Variants in SLC22A15 observed in about 807,000 individuals in gnomAD.
SLC22A15 encodes the protein solute carrier family 22 member 15.
Under a neutral mutation model 62.7 loss-of-function variants are expected in SLC22A15, and 45 were observed. The ratio of observed to expected loss-of-function variants is 0.72; its 90% confidence interval spans 0.56 to 0.92. The LOEUF is 0.92. Ranked by LOEUF, SLC22A15 falls within the 40% of genes least tolerant of loss-of-function variation. The pLI is 0.00. For missense variants in SLC22A15, 622 were observed against 665.6 expected, an observed-to-expected ratio of 0.93 and a Z score of 0.72; for synonymous variants, 264 against 267.0, an observed-to-expected ratio of 0.99 and a Z score of 0.11.
In SLC22A15 at chr1:116,067,098, T is replaced by G; in HGVS notation, c.1634T>G (p.Met545Arg). Reference protein sequence around the residue: ...EFYDADEETQMIK With the variant: ...EFYDADEETQRIK The stretch of plus-strand genomic sequence containing the variant: ...TATGATGCAGATGAAGAGACTCAGA[T>G]GATCAAGTGAAGAGCCCCAGATTCC... Residue 545 changes from methionine (M) to arginine (R), a missense_variant, in exon 12 of 12, where the codon ATG becomes AGG. By Grantham distance (91) the Met-to-Arg change is moderately conservative (BLOSUM62 -1). Coordinates refer to ENST00000369503, the MANE Select transcript of SLC22A15 (RefSeq NM_018420.3). The G allele has an allele frequency of 6.2e-7, 1 of 1,610,856 alleles. No individual in the cohort carries two copies.
At chr1:116,012,518 A>G (rs1656322814) in intron 2 of SLC22A15, among the ~76,000 whole-genome samples, 1 of 152,250 alleles carries the variant, frequency 6.6e-6, no homozygotes, top group Non-Finnish European at 1.5e-5. Context: ...AGGAAAAGAA[A>G]GAAACCTGGA....
intron 1 of SLC22A15, among the ~76,000 whole-genome samples, chr1:115,989,725 G>A (rs1242046768): frequency 2.0e-5 from 3 of 151,054 alleles, no homozygotes; most frequent in African/African-American, 7.3e-5. Context: ...AGGTTGCAGT[G>A]AGCCAAGATC....
intron 2 of SLC22A15, among the ~76,000 whole-genome samples, chr1:115,993,437 G>A (rs1220709130): frequency 6.7e-6 from 1 of 148,988 alleles, no homozygotes; most frequent in African/African-American, 2.5e-5. Flanking sequence ...GAGTGTGTGT[G>A]TGTGTGTGTG....
At chr1:116,033,557 C>CTCTG (rs1491162720) in intron 6 of SLC22A15, among the ~76,000 whole-genome samples, 2 of 149,448 alleles carry the variant, frequency 1.3e-5, no homozygotes, top group African/African-American at 5.0e-5. Context: ...AGGGGTGTCT[C>CTCTG]TGTGTGTGTG....
intron 8 of SLC22A15, among the ~76,000 whole-genome samples, chr1:116,052,311 A>G (rs1324617210): frequency 6.6e-6 from 1 of 152,234 alleles, no homozygotes; most frequent in Non-Finnish European, 1.5e-5. Flanking sequence ...CAGCAGTCTG[A>G]GATCCAACTG....
At chr1:116,028,766 T>C (rs1384404054) in intron 5 of SLC22A15, among the ~76,000 whole-genome samples, 1 of 152,200 alleles carries the variant, frequency 6.6e-6, no homozygotes, top group Non-Finnish European at 1.5e-5. Context: ...CACACTGCAC[T>C]ACTTGTTCCT....
intron 8 of SLC22A15, among the ~76,000 whole-genome samples, chr1:116,043,833 T>C (rs1305464019): frequency 1.3e-5 from 2 of 152,192 alleles, no homozygotes; most frequent in East Asian, 3.8e-4. Context: ...CATTTTTATG[T>C]CAATAAATTC....
chr1:115,992,624 C>CT (rs11378927), intron 2 of SLC22A15, among the ~76,000 whole-genome samples: 71,073 of 137,358 alleles, frequency 0.52, 19,548 homozygotes, highest in Non-Finnish European at 0.63. Flanking sequence ...TTTTTCTTTT[C>CT]TTTTTTTTTT....
intron 3 of SLC22A15, among the ~76,000 whole-genome samples, chr1:116,020,261 AC>A (rs1430151266): frequency 6.3e-5 from 9 of 143,492 alleles, no homozygotes; most frequent in Non-Finnish European, 1.0e-4. Flanking sequence ...AAAAAAAAAA[AC>A]ACACAGCTGG....
At chr1:116,027,740 C>T (rs957053587) in intron 5 of SLC22A15, among the ~76,000 whole-genome samples, 6 of 152,088 alleles carry the variant, frequency 3.9e-5, no homozygotes, top group African/African-American at 1.4e-4. Context: ...ATTCTCCTGC[C>T]TCAGCCTCCC....
intron 8 of SLC22A15, among the ~76,000 whole-genome samples, chr1:116,052,197 A>T (rs1658074432): frequency 6.6e-6 from 1 of 152,196 alleles, no homozygotes; most frequent in Admixed American, 6.5e-5. Context: ...GGTCACTCCC[A>T]CCCGAATACT....
At chr1:116,034,728 C>A (rs558720096) in intron 6 of SLC22A15, among the ~76,000 whole-genome samples, 1 of 152,304 alleles carries the variant, frequency 6.6e-6, no homozygotes, top group African/African-American at 2.4e-5. Context: ...GATCCAGTCA[C>A]TTCTCAGCTC....
chr1:116,066,683 C>G lies in SLC22A15; in HGVS notation c.1529C>G (p.Ser510Cys), dbSNP rs1298059905. ...SYRRLGEEAL[S>C]LQALDPQQCV... ...CGCAGGCTGGGAGAAGAAGCATTAT[C>G]TTTACAGGCTTTGGACCCCCAACAG... The change falls in exon 11 of 12, where the codon TCT becomes TGT. Residue 510 changes from serine (S) to cysteine (C), a missense_variant. Transcript: ENST00000369503. 1.9e-6 allele frequency: 3 copies of G among 1,612,700 alleles called. No homozygotes were observed. Among genetic ancestry groups the G allele is most frequent in the Non-Finnish European group, 2.5e-6 (3 of 1,179,438 alleles).
chr1:115,991,312 TGTGAAGTATATTTCTTGAATGAATGC>T (rs1456033854), intron 1 of SLC22A15, among the ~76,000 whole-genome samples: 9 of 152,188 alleles, frequency 5.9e-5, no homozygotes, highest in African/African-American at 1.9e-4. Context: ...TGAATGAATG[TGTGAAGTATATTTCTTGAATGAATGC>T]GTGAAGTATA....
At chr1:116,043,597 A>G (rs1657850491) in intron 8 of SLC22A15, among the ~76,000 whole-genome samples, 1 of 152,166 alleles carries the variant, frequency 6.6e-6, no homozygotes, top group South Asian at 2.1e-4. Flanking sequence ...AGAAGAGCTA[A>G]TTAAGCACAA....
intron 8 of SLC22A15, among the ~76,000 whole-genome samples, chr1:116,044,405 T>C (rs548713455): frequency 6.6e-6 from 1 of 152,162 alleles, no homozygotes; most frequent in South Asian, 2.1e-4. Context: ...TGATAAAGAG[T>C]ATTAAGGGAA....
At chr1:115,998,752 G>C (rs1443721018) in intron 2 of SLC22A15, among the ~76,000 whole-genome samples, 1 of 151,634 alleles carries the variant, frequency 6.6e-6, no homozygotes, top group Non-Finnish European at 1.5e-5. Flanking sequence ...TGTTGATCTT[G>C]TGTACTTTTT....
intron 5 of SLC22A15, among the ~76,000 whole-genome samples, chr1:116,029,957 C>T (rs34037693): frequency 0.017 from 2,542 of 152,252 alleles, 49 homozygotes; most frequent in Middle Eastern, 0.031. Context: ...AGTGGTTTTA[C>T]GTAATAGCTC....
At chr1:115,998,827 G>A (rs1340514345) in intron 2 of SLC22A15, among the ~76,000 whole-genome samples, 1 of 150,930 alleles carries the variant, frequency 6.6e-6, no homozygotes, top group Non-Finnish European at 1.5e-5. Context: ...ACTAATTTTG[G>A]GTTTGGTTTG....
Sources: gnomAD v4.1 joint callset for allele counts (sites outside exome capture counted in the v4.1 genomes callset) on GRCh38, gnomAD v4.1.1 for gene constraint, MANE v1.5 for transcripts, NCBI Gene and HGNC (gene_info 2026-07-23, HGNC 2026-07-21) for gene names.